CCDC43: variants seen among roughly 807,000 people sequenced by gnomAD.
The protein encoded by CCDC43 is coiled-coil domain-containing protein 43.
Under a neutral mutation model 33.3 loss-of-function variants are expected in CCDC43, and 20 were observed. That is an observed-to-expected ratio of 0.60 (90% confidence interval 0.42 to 0.87). The LOEUF is 0.87. Among genes scored for constraint, CCDC43 ranks in the 40% least tolerant of loss-of-function variants. The pLI is 0.00. For synonymous variants in CCDC43, 104 were observed against 106.5 expected, an observed-to-expected ratio of 0.98 and a Z score of 0.14; for missense variants, 248 against 269.9, an observed-to-expected ratio of 0.92 and a Z score of 0.57.
chr17:44,678,847 A>T lies in CCDC43; in HGVS notation c.*9T>A. ...AGTTCATGGGGGGAAAGAATAGAGT[A>T]GGCCAAGGTTATCGCTTTCGCTCCC... On this transcript the variant is annotated 3_prime_UTR_variant, in exon 5 of 5. Transcript: ENST00000315286. 6.2e-7 allele frequency: 1 copy of T among 1,611,148 alleles called. No individual in the cohort carries two copies. Among genetic ancestry groups the T allele is most frequent in the East Asian group, 2.2e-5 (1 of 44,858 alleles).
At chr17:44,679,321 GAAAAC>G (rs1033180924) in intron 4 of CCDC43, among the ~76,000 whole-genome samples, 7 of 151,862 alleles carry the variant, frequency 4.6e-5, no homozygotes, top group African/African-American at 1.5e-4. Context: ...AAAAAAATAA[GAAAAC>G]AAAATATTTC....
chr17:44,679,111 C>A, intron 4 of CCDC43, 68 bp from the exon 5 acceptor site: 1 of 1,268,222 alleles, frequency 7.9e-7, no homozygotes, highest in Non-Finnish European at 1.1e-6. Flanking sequence ...TTTCCTCATT[C>A]TACTTATCCT....
chr17:44,682,323 C>T (rs1972175235), intron 2 of CCDC43, among the ~76,000 whole-genome samples, 185 bp from the exon 3 acceptor site: 1 of 142,680 alleles, frequency 7.0e-6, no homozygotes, highest in Non-Finnish European at 1.5e-5. Context: ...GCAGGCCAAG[C>T]TTTGTATCCA....
chr17:44,679,203 C>CA (rs1972121470), intron 4 of CCDC43, among the ~76,000 whole-genome samples, 160 bp from the exon 5 acceptor site: 1 of 151,994 alleles, frequency 6.6e-6, no homozygotes, highest in South Asian at 2.1e-4. Context: ...CTTGGTCTAA[C>CA]AGAGAAATCC....
intron 1 of CCDC43, chr17:44,689,204 G>C (rs1972284998): frequency 3.2e-6 from 1 of 314,020 alleles, no homozygotes; most frequent in Non-Finnish European, 6.1e-6. Context: ...CACTGTAAAC[G>C]GATGGAAATG....
At position 44,678,084 on chromosome 17, in the gene CCDC43, C is replaced by A. The variant is rs1318104134; in HGVS notation, c.*772G>T. ...GGTGATTTCTCCAGTTTCTCCAAACCAGGAATTATTTCTTAATACTCATGT... is the reference window on the plus strand; with the variant it reads ...GGTGATTTCTCCAGTTTCTCCAAACAAGGAATTATTTCTTAATACTCATGT... On this transcript the variant is annotated 3_prime_UTR_variant, in exon 5 of 5. Coordinates refer to ENST00000315286, the MANE Select transcript of CCDC43 (RefSeq NM_144609.3). 6.6e-6 allele frequency: 1 copy of A among 152,440 alleles called. No individual in the cohort carries two copies. The highest frequency in any genetic ancestry group is 2.4e-5 in the African/African-American group (1 of 41,354). 9.4% of individuals were successfully genotyped at this position (152,440 alleles called of 1,614,324 possible).
intron 3 of CCDC43, 170 bp downstream of exon 3, chr17:44,681,833 C>G: frequency 1.4e-6 from 1 of 725,056 alleles, no homozygotes; most frequent in South Asian, 1.9e-5. Context: ...CCAGTATCAA[C>G]TAATCCAATA....
At chr17:44,689,256 C>T in intron 1 of CCDC43, 1 of 442,750 alleles carries the variant, frequency 2.3e-6, no homozygotes, top group Admixed American at 3.8e-5. Context: ...CCCATTCTGA[C>T]ATTTCAATGC....
At chr17:44,688,779 T>C (rs1456172558) in intron 1 of CCDC43, among the ~76,000 whole-genome samples, 2 of 152,224 alleles carry the variant, frequency 1.3e-5, no homozygotes, top group African/African-American at 4.8e-5. Context: ...AATAAGTGTG[T>C]ATGTTGGAGG....
chr17:44,681,217 T>A (rs1450903717), intron 3 of CCDC43, among the ~76,000 whole-genome samples: 1 of 151,998 alleles, frequency 6.6e-6, no homozygotes, highest in Non-Finnish European at 1.5e-5. Context: ...GGCAGGCAGA[T>A]CATGAGGTCA....
At chr17:44,686,408 A>G (rs977026306) in intron 1 of CCDC43, among the ~76,000 whole-genome samples, 14 of 152,242 alleles carry the variant, frequency 9.2e-5, no homozygotes, top group African/African-American at 3.4e-4. Context: ...CCCACCAGCA[A>G]GAAAAGCAAA....
intron 1 of CCDC43, chr17:44,688,428 C>T (rs1314893945): frequency 1.3e-5 from 2 of 152,266 alleles, no homozygotes; most frequent in African/African-American, 2.4e-5. Flanking sequence ...GGTGAGATTA[C>T]AAACATGAGC....
chr17:44,688,309 C>A (rs1166886958), intron 1 of CCDC43: 2 of 152,074 alleles, frequency 1.3e-5, no homozygotes, highest in Non-Finnish European at 2.9e-5. Flanking sequence ...CGCCACCATA[C>A]CTGGCTAATT....
rs750761718 is a variant in CCDC43, at chr17:44,689,560, G to A, written c.194C>T (p.Ser65Phe). ...GTCCAGGCTACTCACCAGGAAAGCA[G>A]AGAGGATCCCCTGCAGAGCGTCCAG... ...EKLDALQGILSAFLEEDSLLN... is the reference protein window; with the variant it reads ...EKLDALQGILFAFLEEDSLLN... Residue 65 changes from serine (S) to phenylalanine (F), a missense_variant, in exon 1 of 5, where the codon TCT becomes TTT. Transcript: ENST00000315286. 1.2e-6 allele frequency: 2 copies of A among 1,613,866 alleles called. No individual in the cohort carries two copies. Among genetic ancestry groups the A allele is most frequent in the African/African-American group, 1.3e-5 (1 of 74,934 alleles).
intron 1 of CCDC43, among the ~76,000 whole-genome samples, chr17:44,686,593 T>C (rs1013435874): frequency 1.3e-5 from 2 of 152,234 alleles, no homozygotes; most frequent in Admixed American, 1.3e-4. Flanking sequence ...TGTAGTTCAA[T>C]CATCCATTCC....
At chr17:44,689,146 T>A (rs1368665158) in intron 1 of CCDC43, 2 of 200,896 alleles carry the variant, frequency 1.0e-5, no homozygotes, top group African/African-American at 4.7e-5. Context: ...GGGAACTGCC[T>A]TGTAATAGGC....
intron 2 of CCDC43, 121 bp from the exon 3 acceptor site, chr17:44,682,259 G>A (rs1166046592): frequency 8.2e-7 from 1 of 1,226,218 alleles, no homozygotes; most frequent in Non-Finnish European, 1.2e-6. Flanking sequence ...CTTAGAGCCT[G>A]GCAGTTCAAA....
chr17:44,688,480 G>C (rs1972274815), intron 1 of CCDC43, among the ~76,000 whole-genome samples: 1 of 152,006 alleles, frequency 6.6e-6, no homozygotes, highest in Non-Finnish European at 1.5e-5. Context: ...TCTATTACTA[G>C]CCTTTCAAAA....
chr17:44,680,627 CCTT>C lies in CCDC43; in HGVS notation c.442_444del (p.Lys148del), dbSNP rs1568139143. On this transcript the variant is annotated inframe_deletion, in exon 4 of 5. Coordinates refer to ENST00000315286, the MANE Select transcript of CCDC43 (RefSeq NM_144609.3). ...TTCATTGTGGTAGCACCTGAATCAT[CCTT>C]CTCATCTGCTTCAGTAAGTGATGTT... 1 of 1,608,830 alleles carries C rather than the reference CCTT, an allele frequency of 6.2e-7. No individual in the cohort carries two copies. The highest frequency in any genetic ancestry group is 8.5e-7 in the Non-Finnish European group (1 of 1,175,692).
Sources: gnomAD v4.1 joint callset for allele counts (sites outside exome capture counted in the v4.1 genomes callset) on GRCh38, gnomAD v4.1.1 for gene constraint, MANE v1.5 for transcripts, NCBI Gene and HGNC (gene_info 2026-07-23, HGNC 2026-07-21) for gene names.